CPQ: variants seen among roughly 807,000 people sequenced by gnomAD.
The protein encoded by CPQ is Ser-Met dipeptidase.
In CPQ, 37 loss-of-function variants were observed where a neutral mutation model predicts 45.7. The ratio of observed to expected loss-of-function variants is 0.81; its 90% CI spans 0.62 to 1.07. The LOEUF (loss-of-function observed/expected upper bound fraction) is 1.07, where lower values mean the gene tolerates loss of function less well. CPQ is among the 50% of genes least tolerant of loss of function. The pLI is 0.00. For synonymous variants in CPQ, 186 were observed against 205.8 expected, an observed-to-expected ratio of 0.90 and a Z score of 0.82; for missense variants, 537 against 572.9, an observed-to-expected ratio of 0.94 and a Z score of 0.64.
At chr8:96,660,821 C>T (rs2514768) in intron 1 of CPQ, among the ~76,000 whole-genome samples, 104,655 of 152,062 alleles carry the variant, frequency 0.69, 36,158 homozygotes, top group African/African-American at 0.73. Context: ...AAAATTAATT[C>T]AGCCTTCTAG....
chr8:97,119,236 G>A (rs1472427801), intron 7 of CPQ, among the ~76,000 whole-genome samples: 1 of 151,140 alleles, frequency 6.6e-6, no homozygotes, highest in Admixed American at 6.6e-5. Flanking sequence ...GGCTGAGGCA[G>A]GAGAATCACT....
intron 7 of CPQ, among the ~76,000 whole-genome samples, chr8:97,119,470 A>T (rs539726047): frequency 1.5e-4 from 23 of 151,680 alleles, no homozygotes; most frequent in Admixed American, 1.4e-3. Flanking sequence ...GTGGGGGGGA[A>T]TACAAATCCA....
In CPQ at chr8:96,779,811, G is replaced by T. The variant is rs187612526; in HGVS notation, c.-34-5053G>T. Among the ~76,000 whole-genome samples the T allele has an allele frequency of 1.9e-3, 286 of 152,204 alleles. 2 individuals are homozygous for T. The highest frequency in any genetic ancestry group is 3.0e-3 in the Non-Finnish European group (205 of 67,988). On this transcript the variant is annotated intron_variant, in intron 1 of 7. Coordinates refer to ENST00000220763, the MANE Select transcript of CPQ (RefSeq NM_016134.4). ...ACTTTCAAGAATAAATTGCAATCTG[G>T]TGAAATTTTTTTATTAGTTAACAAA...
At chr8:97,091,232 T>C (rs1046064902) in intron 7 of CPQ, among the ~76,000 whole-genome samples, 2 of 152,198 alleles carry the variant, frequency 1.3e-5, no homozygotes, top group Non-Finnish European at 2.9e-5. Context: ...AGACTAAAGC[T>C]TTAATTAGTA....
At chr8:97,020,457 A>G (rs185714112) in intron 5 of CPQ, among the ~76,000 whole-genome samples, 97 of 152,242 alleles carry the variant, frequency 6.4e-4, no homozygotes, top group African/African-American at 2.3e-3. Context: ...GGAAAGATAG[A>G]TAAAATTGAT....
chr8:97,020,773 C>T (rs1284089369), intron 5 of CPQ, among the ~76,000 whole-genome samples: 1 of 152,152 alleles, frequency 6.6e-6, no homozygotes, highest in Non-Finnish European at 1.5e-5. Context: ...GATGGATTCA[C>T]CCAGAATTCT....
intron 1 of CPQ, among the ~76,000 whole-genome samples, chr8:96,724,460 C>A (rs984034788): frequency 6.7e-6 from 1 of 150,338 alleles, no homozygotes; most frequent in African/African-American, 2.5e-5. Flanking sequence ...AGCTGAGAGC[C>A]AAGTCAAGAA....
At chr8:97,062,969 T>C (rs1261442270) in intron 6 of CPQ, among the ~76,000 whole-genome samples, 2 of 152,176 alleles carry the variant, frequency 1.3e-5, no homozygotes, top group African/African-American at 4.8e-5. Flanking sequence ...TAGAATGATT[T>C]CTATTTCCCC....
intron 3 of CPQ, among the ~76,000 whole-genome samples, chr8:96,878,772 G>A (rs1812181599): frequency 6.6e-6 from 1 of 152,242 alleles, no homozygotes; most frequent in African/African-American, 2.4e-5. Flanking sequence ...AGAGAAATGT[G>A]TTGTGGGTGA....
intron 5 of CPQ, among the ~76,000 whole-genome samples, chr8:96,970,613 G>T (rs564165473): frequency 1.3e-5 from 2 of 151,556 alleles, no homozygotes; most frequent in South Asian, 4.2e-4. Context: ...GCCCAGGCTG[G>T]AGTGCAGTGG....
At chr8:96,884,216 T>C (rs1238907121) in intron 4 of CPQ, among the ~76,000 whole-genome samples, 2 of 152,230 alleles carry the variant, frequency 1.3e-5, no homozygotes. Context: ...CTCTCCTTTA[T>C]CACTGTCCTA....
intron 7 of CPQ, among the ~76,000 whole-genome samples, chr8:97,116,255 T>C (rs1406451672): frequency 2.0e-5 from 3 of 152,220 alleles, no homozygotes; most frequent in African/African-American, 7.2e-5. Flanking sequence ...CTCATGAAGT[T>C]AGATGTCTGA....
chr8:96,726,329 T>C (rs1809839266), intron 1 of CPQ, among the ~76,000 whole-genome samples: 1 of 152,200 alleles, frequency 6.6e-6, no homozygotes, highest in Non-Finnish European at 1.5e-5. Context: ...ACAGATTGAT[T>C]GCTTATCATG....
chr8:96,953,240 T>C (rs934042262), intron 4 of CPQ, among the ~76,000 whole-genome samples: 9 of 152,212 alleles, frequency 5.9e-5, no homozygotes, highest in Non-Finnish European at 8.8e-5. Flanking sequence ...TCTTTGGAGA[T>C]GATCTATCTC....
chr8:97,017,215 G>A (rs1004157450), intron 5 of CPQ, among the ~76,000 whole-genome samples: 2 of 152,140 alleles, frequency 1.3e-5, no homozygotes, highest in African/African-American at 4.8e-5. Flanking sequence ...GTAGAGGGCC[G>A]AGCAAAATAT....
chr8:96,696,498 A>G (rs1662705347), intron 1 of CPQ, among the ~76,000 whole-genome samples: 1 of 152,048 alleles, frequency 6.6e-6, no homozygotes, highest in Non-Finnish European at 1.5e-5. Flanking sequence ...ACCCAAAATT[A>G]GTAGAAGAAA....
At chr8:96,869,536 A>G (rs1254742405) in intron 3 of CPQ, among the ~76,000 whole-genome samples, 1 of 152,070 alleles carries the variant, frequency 6.6e-6, no homozygotes, top group Non-Finnish European at 1.5e-5. Context: ...TGCCTTGCAC[A>G]TGGTAACTAC....
At chr8:96,867,761 AT>A (rs1812014206) in intron 3 of CPQ, among the ~76,000 whole-genome samples, 1 of 152,080 alleles carries the variant, frequency 6.6e-6, no homozygotes, top group Admixed American at 6.6e-5. Context: ...GGCATTAAAT[AT>A]TCTTCAAAAT....
intron 1 of CPQ, among the ~76,000 whole-genome samples, chr8:96,776,911 GT>G (rs904504393): frequency 2.0e-5 from 3 of 152,112 alleles, no homozygotes; most frequent in African/African-American, 7.2e-5. Context: ...ATTTTGAAGG[GT>G]ATAACATTTG....
Sources: gnomAD v4.1 joint callset for allele counts (sites outside exome capture counted in the v4.1 genomes callset) on GRCh38, gnomAD v4.1.1 for gene constraint, MANE v1.5 for transcripts, NCBI Gene and HGNC (gene_info 2026-07-23, HGNC 2026-07-21) for gene names.